UBE2E2: variants seen among roughly 807,000 people sequenced by gnomAD.
UBE2E2 encodes the protein ubiquitin-conjugating enzyme E2 E2.
In UBE2E2, 6 loss-of-function variants were observed where a neutral mutation model predicts 24.7. The ratio of observed to expected loss-of-function variants is 0.24; its 90% CI spans 0.13 to 0.48. UBE2E2 has a LOEUF of 0.48. Ranked by LOEUF, UBE2E2 falls within the 20% of genes least tolerant of loss-of-function variation. UBE2E2 has a pLI of 0.99. For missense variants in UBE2E2, 169 were observed against 245.0 expected, an observed-to-expected ratio of 0.69 and a Z score of 2.07; for synonymous variants, 104 against 83.6, an observed-to-expected ratio of 1.24 and a Z score of -1.33.
chr3:23,579,653 T>C (rs1221137172), intron 5 of UBE2E2, among the ~76,000 whole-genome samples: 1 of 151,400 alleles, frequency 6.6e-6, no homozygotes, highest in Non-Finnish European at 1.5e-5. Context: ...TGAACTACGA[T>C]CGTACCACTG....
chr3:23,449,979 A>T (rs1165838138), intron 3 of UBE2E2: 4 of 957,880 alleles, frequency 4.2e-6, no homozygotes, highest in Non-Finnish European at 5.0e-6. Context: ...GCCCACTGCT[A>T]CCCTGCCACG....
intron 3 of UBE2E2, among the ~76,000 whole-genome samples, chr3:23,413,069 A>G (rs1287853982): frequency 1.3e-5 from 2 of 150,960 alleles, no homozygotes; most frequent in Non-Finnish European, 3.0e-5. Flanking sequence ...GGGGGGAGGA[A>G]TAGCATTAGG....
At chr3:23,247,345 G>T (rs541928139) in intron 3 of UBE2E2, among the ~76,000 whole-genome samples, 2 of 150,748 alleles carry the variant, frequency 1.3e-5, no homozygotes, top group African/African-American at 4.9e-5. Context: ...ATATTATTTA[G>T]TCTCTGAGTG....
intron 3 of UBE2E2, among the ~76,000 whole-genome samples, chr3:23,460,180 A>G: frequency 6.6e-6 from 1 of 152,206 alleles, no homozygotes; most frequent in Non-Finnish European, 1.5e-5. Context: ...CTGCCCTCCC[A>G]GAGGTCCTCT....
intron 3 of UBE2E2, among the ~76,000 whole-genome samples, chr3:23,370,808 A>G (rs559619683): frequency 7.2e-5 from 11 of 152,292 alleles, no homozygotes; most frequent in Middle Eastern, 3.4e-3. Context: ...GGACACCTCA[A>G]TGGAAGATCC....
chr3:23,509,317 G>A (rs1212050586), intron 4 of UBE2E2, among the ~76,000 whole-genome samples: 3 of 152,184 alleles, frequency 2.0e-5, no homozygotes, highest in Non-Finnish European at 4.4e-5. Context: ...TTGATTGTCT[G>A]TAAATTTGAA....
chr3:23,239,429 C>T (rs1697200927), intron 3 of UBE2E2, among the ~76,000 whole-genome samples: 1 of 152,110 alleles, frequency 6.6e-6, no homozygotes, highest in Admixed American at 6.6e-5. Context: ...CATTAGCATT[C>T]TCCATTCCCC....
intron 3 of UBE2E2, among the ~76,000 whole-genome samples, chr3:23,360,904 A>G (rs956671187): frequency 4.6e-5 from 7 of 152,132 alleles, no homozygotes; most frequent in Non-Finnish European, 5.9e-5. Flanking sequence ...CAGACAACCC[A>G]CCGAGAGAAA....
intron 4 of UBE2E2, among the ~76,000 whole-genome samples, chr3:23,521,036 C>G (rs1297116615): frequency 6.6e-6 from 1 of 152,136 alleles, no homozygotes; most frequent in Non-Finnish European, 1.5e-5. Flanking sequence ...GCTAGTTTGA[C>G]AAATACTTTG....
intron 5 of UBE2E2, among the ~76,000 whole-genome samples, chr3:23,588,842 G>A (rs1022552619): frequency 6.6e-6 from 1 of 152,164 alleles, no homozygotes; most frequent in African/African-American, 2.4e-5. Flanking sequence ...GTCATGGTGA[G>A]TGTTAGCTAT....
At chr3:23,318,830 A>C (rs927173426) in intron 3 of UBE2E2, among the ~76,000 whole-genome samples, 1 of 152,200 alleles carries the variant, frequency 6.6e-6, no homozygotes, top group South Asian at 2.1e-4. Context: ...AACCATATCA[A>C]ACACTTCCCA....
At chr3:23,445,891 C>G (rs969075601) in intron 3 of UBE2E2, among the ~76,000 whole-genome samples, 14 of 152,180 alleles carry the variant, frequency 9.2e-5, no homozygotes, top group East Asian at 5.8e-4. Flanking sequence ...AAGTTCTTCT[C>G]TGCCACTGAA....
intron 3 of UBE2E2, among the ~76,000 whole-genome samples, chr3:23,351,776 A>T (rs540320586): frequency 6.6e-6 from 1 of 152,174 alleles, no homozygotes; most frequent in Non-Finnish European, 1.5e-5. Context: ...CTCCCACACA[A>T]TAATAATGGG....
intron 3 of UBE2E2, among the ~76,000 whole-genome samples, chr3:23,299,756 C>T (rs907329554): frequency 1.2e-4 from 18 of 151,798 alleles, no homozygotes; most frequent in Admixed American, 2.0e-4. Flanking sequence ...AGAATGTATA[C>T]TCTGTTGATT....
chr3:23,413,579 TC>T (rs1697549031), intron 3 of UBE2E2, among the ~76,000 whole-genome samples: 1 of 152,088 alleles, frequency 6.6e-6, no homozygotes, highest in Admixed American at 6.6e-5. Flanking sequence ...CTGGAACCAC[TC>T]CTTGGCCCCA....
intron 5 of UBE2E2, among the ~76,000 whole-genome samples, chr3:23,548,122 T>C (rs777102708): frequency 3.9e-5 from 6 of 152,202 alleles, no homozygotes; most frequent in African/African-American, 1.4e-4. Context: ...TACTCATGAC[T>C]GCCTTCTAAA....
In UBE2E2 at chr3:23,499,614, A is replaced by G; in HGVS notation, c.234A>G (p.Gly78=). 6.2e-7 allele frequency: 1 copy of G among 1,613,114 alleles called. No homozygotes were observed. Among genetic ancestry groups the G allele is most frequent in the Non-Finnish European group, 8.5e-7 (1 of 1,179,670 alleles). Residue 78 remains glycine, a synonymous_variant, in exon 4 of 6, where the codon GGA becomes GGG. Transcript: ENST00000396703. ...TTTGTATGTCTTATTTCAGTGCTGG[A>G]CCCAAAGGAGACAACATTTATGAAT... ...TLDPPPNCSA[G]PKGDNIYEWR... is the part of the protein sequence containing the mutation.
At position 23,323,918 on chromosome 3, in the gene UBE2E2, G is replaced by A. The variant is rs1694815524; in HGVS notation, c.227+106606G>A. On this transcript the variant is annotated intron_variant, in intron 3 of 5. Coordinates refer to ENST00000396703, the MANE Select transcript of UBE2E2 (RefSeq NM_152653.4). Reference sequence around the variant, plus strand: ...ATTGAGCTCCTTGAAGACAAAAGTTGTGATATACCTCTTCACTTCTCCATG... The same window carrying A: ...ATTGAGCTCCTTGAAGACAAAAGTTATGATATACCTCTTCACTTCTCCATG... 2.0e-5 allele frequency among the ~76,000 whole-genome samples: 3 copies of A among 152,060 alleles called. No individual in the cohort carries two copies. In the South Asian group the frequency reaches 6.2e-4, roughly 32 times the overall value.
intron 3 of UBE2E2, among the ~76,000 whole-genome samples, chr3:23,347,944 A>C (rs952173091): frequency 1.3e-5 from 2 of 152,136 alleles, no homozygotes; most frequent in East Asian, 3.9e-4. Context: ...GTGGTAGGCT[A>C]TAATAAACTC....
Sources: allele counts gnomAD v4.1 joint callset (sites outside exome capture counted in the v4.1 genomes callset), GRCh38; gene constraint gnomAD v4.1.1; transcripts MANE v1.5; gene names NCBI Gene and HGNC (gene_info 2026-07-23, HGNC 2026-07-21).